Variants in DYRK1A observed in about 807,000 individuals in gnomAD.
DYRK1A encodes dual specificity tyrosine-phosphorylation-regulated kinase 1A.
DYRK1A carries 9 observed loss-of-function variants against 79.7 expected under a neutral mutation model. The observed-to-expected ratio is 0.11, with a 90% CI of 0.07 to 0.20. The LOEUF (loss-of-function observed/expected upper bound fraction) is 0.20. Ranked by LOEUF, DYRK1A falls within the 10% of genes least tolerant of loss-of-function variation. The probability of loss-of-function intolerance (pLI) is 1.00; values close to 1 mark genes in which losing one functional copy is unlikely to be tolerated. For synonymous variants in DYRK1A, 349 were observed against 329.7 expected (o/e 1.06, Z -0.63); for missense variants, 622 against 956.0 (o/e 0.65, Z 4.61).
At chr21:37,415,704 C>G (rs1028805872) in intron 1 of DYRK1A, 1 of 152,024 alleles carries the variant, frequency 6.6e-6, no homozygotes, top group African/African-American at 2.4e-5. Context: ...TGGTCTCAAG[C>G]GATCTACCTC....
intron 9 of DYRK1A, chr21:37,504,270 T>A (rs2053533171): frequency 6.6e-6 from 1 of 152,506 alleles, no homozygotes; most frequent in Non-Finnish European, 1.5e-5. Context: ...TCTCTGTGCC[T>A]GGGAGATCGC....
chr21:37,449,304 G>T (rs1277167298), intron 2 of DYRK1A, among the ~76,000 whole-genome samples: 1 of 152,206 alleles, frequency 6.6e-6, no homozygotes, highest in Non-Finnish European at 1.5e-5. Context: ...TAAATCAGTA[G>T]AATTTCTTGC....
chr21:37,507,553 C>A (rs117924726), intron 11 of DYRK1A, among the ~76,000 whole-genome samples: 4,728 of 152,234 alleles, frequency 0.031, 127 homozygotes, highest in Non-Finnish European at 0.046. Flanking sequence ...CCAGTGGACA[C>A]CCTAATGCTG....
intron 7 of DYRK1A, among the ~76,000 whole-genome samples, chr21:37,492,455 G>A (rs563475764): frequency 2.0e-5 from 3 of 152,320 alleles, no homozygotes; most frequent in African/African-American, 7.2e-5. Context: ...GAGAGAAGAT[G>A]AGAGAAGAAG....
At chr21:37,505,989 A>G (rs2053583824) in intron 10 of DYRK1A, 110 bp from the exon 11 acceptor site, 19 of 1,256,366 alleles carry the variant, frequency 1.5e-5, no homozygotes, top group Admixed American at 5.3e-5. Context: ...GAGATTTTGT[A>G]TGTGTGTGTG....
rs1240426942 is a variant in DYRK1A at position 37,513,003 on chromosome 21, A to T, written c.*472A>T. ...GTTTTGTTTTGGGTGGGAGGGTGGGAAATTTGGGTTTTTAAGTCCTCTAAA... is the reference window on the plus strand; with the variant it reads ...GTTTTGTTTTGGGTGGGAGGGTGGGTAATTTGGGTTTTTAAGTCCTCTAAA... On this transcript the variant is annotated 3_prime_UTR_variant, in exon 12 of 12. Transcript: ENST00000647188. The T allele has an allele frequency of 3.1e-5, 2 of 63,770 alleles. No homozygotes were observed. The highest frequency in any genetic ancestry group is 3.6e-4 in the South Asian group (1 of 2,774). The allele number at this position is 63,770 out of a possible 1,614,324, so 4.0% of individuals were successfully genotyped here. A position where few individuals can be genotyped will look rare whatever the true frequency, so the allele number is the denominator to read the frequency against.
chr21:37,397,440 T>C (rs1339817009), intron 1 of DYRK1A, among the ~76,000 whole-genome samples: 5 of 152,224 alleles, frequency 3.3e-5, no homozygotes, highest in Non-Finnish European at 7.3e-5. Flanking sequence ...GATTATACCT[T>C]TGTCTCCTCT....
rs117604501 is a variant in DYRK1A, at chr21:37,378,592, A to G, written c.-77+10964A>G. On this transcript the variant is annotated intron_variant, in intron 1 of 11. Transcript: ENST00000647188. ...TTTATTTCGTTACTCTGTTGATTGAATAACTGATGTTTTGATAAATTGTAA... is the reference window on the plus strand; with the variant it reads ...TTTATTTCGTTACTCTGTTGATTGAGTAACTGATGTTTTGATAAATTGTAA... Among the ~76,000 whole-genome samples the G allele has an allele frequency of 3.0e-3, 450 of 152,334 alleles. 13 individuals are homozygous for G. In the East Asian group the frequency reaches 0.051, roughly 17 times the overall value.
At chr21:37,469,428 A>G (rs935112060) in intron 2 of DYRK1A, among the ~76,000 whole-genome samples, 3 of 152,248 alleles carry the variant, frequency 2.0e-5, no homozygotes, top group Non-Finnish European at 1.5e-5. Flanking sequence ...GTTTATAGGC[A>G]TAAGATGAAG....
chr21:37,452,757 GTTTTTTTT>G (rs35209884), intron 2 of DYRK1A, among the ~76,000 whole-genome samples: 1 of 96,548 alleles, frequency 1.0e-5, no homozygotes, highest in African/African-American at 3.9e-5. Flanking sequence ...TCACACTCCC[GTTTTTTTT>G]TTTTTTTTTT....
In DYRK1A at chr21:37,469,445, A is replaced by G. The variant is rs747794942; in HGVS notation, c.11-3239A>G. Among the ~76,000 whole-genome samples the G allele has an allele frequency of 3.3e-5, 5 of 152,228 alleles. No individual in the cohort carries two copies. In the East Asian group the frequency reaches 5.8e-4, roughly 18 times the overall value. On this transcript the variant is annotated intron_variant, in intron 2 of 11. Coordinates refer to ENST00000647188, the MANE Select transcript of DYRK1A (RefSeq NM_001347721.2). ...TTATAGGCATAAGATGAAGTAAACA[A>G]TTCTACTCTATTACATTAGTTTGTA...
chr21:37,457,287 C>T (rs2051683603), intron 2 of DYRK1A, among the ~76,000 whole-genome samples: 1 of 152,138 alleles, frequency 6.6e-6, no homozygotes, highest in Non-Finnish European at 1.5e-5. Context: ...GACTGGAGTG[C>T]AGGGGCACGG....
At chr21:37,428,405 A>G (rs1218693265) in intron 2 of DYRK1A, among the ~76,000 whole-genome samples, 1 of 152,206 alleles carries the variant, frequency 6.6e-6, no homozygotes, top group African/African-American at 2.4e-5. Flanking sequence ...ATGTAGTGTA[A>G]TATGTATCTC....
intron 4 of DYRK1A, 40 bp downstream of exon 4, chr21:37,478,340 A>G: frequency 6.4e-7 from 1 of 1,573,054 alleles, no homozygotes; most frequent in Non-Finnish European, 8.7e-7. Flanking sequence ...ATCTTGCAGT[A>G]TGTCATTGAG....
At position 37,514,507 on chromosome 21, in the gene DYRK1A, G is replaced by A. The variant is rs1459464987; in HGVS notation, c.*1976G>A. ...GTTTCATTCTATTGGTCAATTCCAT[G>A]TGGCTGACTAGGTCAATTTTTTTTC... On this transcript the variant is annotated 3_prime_UTR_variant, in exon 12 of 12. Transcript: ENST00000647188. 1.3e-5 allele frequency: 2 copies of A among 152,584 alleles called. No individual in the cohort carries two copies. The highest frequency in any genetic ancestry group is 1.3e-4 in the Admixed American group (2 of 15,276). The allele number at this position is 152,584 out of a possible 1,614,324, so 9.5% of individuals were successfully genotyped here. A position where few individuals can be genotyped will look rare whatever the true frequency, so the allele number is the denominator to read the frequency against.
intron 1 of DYRK1A, among the ~76,000 whole-genome samples, chr21:37,398,844 C>T (rs144216132): frequency 1.5e-4 from 23 of 151,492 alleles, no homozygotes; most frequent in Admixed American, 5.3e-4. Context: ...TTCAGAGGAA[C>T]GGAGAGGCCA....
At chr21:37,501,044 G>T (rs1189354247) in intron 9 of DYRK1A, among the ~76,000 whole-genome samples, 1 of 150,874 alleles carries the variant, frequency 6.6e-6, no homozygotes, top group Non-Finnish European at 1.5e-5. Flanking sequence ...CTTAAAGGTG[G>T]AAACTAGATC....
chr21:37,408,383 G>A (rs1349486722), intron 1 of DYRK1A, among the ~76,000 whole-genome samples: 3 of 152,174 alleles, frequency 2.0e-5, no homozygotes, highest in Non-Finnish European at 2.9e-5. Context: ...GAGCTCTCAC[G>A]TCCCTAGCCT....
chr21:37,400,692 A>G (rs558642897), intron 1 of DYRK1A, among the ~76,000 whole-genome samples: 12 of 152,216 alleles, frequency 7.9e-5, no homozygotes, highest in Admixed American at 2.0e-4. Flanking sequence ...ATTTTTATCA[A>G]GTATTAAAAA....
Sources: gnomAD v4.1 joint callset for allele counts (sites outside exome capture counted in the v4.1 genomes callset) on GRCh38, gnomAD v4.1.1 for gene constraint, MANE v1.5 for transcripts, NCBI Gene and HGNC (gene_info 2026-07-23, HGNC 2026-07-21) for gene names.